LRRCC1: variants seen among roughly 807,000 people sequenced by gnomAD.
LRRCC1 encodes leucine-rich repeat and coiled-coil domain-containing protein 1.
A neutral mutation model predicts 126.0 loss-of-function variants in LRRCC1; 115 were observed. That is an observed-to-expected ratio of 0.91 (90% confidence interval 0.78 to 1.07). The LOEUF (loss-of-function observed/expected upper bound fraction) is 1.07, where lower values mean the gene tolerates loss of function less well. LRRCC1 is among the 50% of genes least tolerant of loss of function. The pLI, the probability that LRRCC1 is intolerant of heterozygous loss-of-function variation, is 0.00. For missense variants in LRRCC1, 1,172 were observed against 1,175.7 expected, an observed-to-expected ratio of 1.00 and a Z score of 0.05; for synonymous variants, 400 against 393.4, an observed-to-expected ratio of 1.02 and a Z score of -0.20.
At chr8:85,116,572 G>A (rs946541511) in intron 6 of LRRCC1, among the ~76,000 whole-genome samples, 8 of 151,806 alleles carry the variant, frequency 5.3e-5, no homozygotes, top group South Asian at 4.2e-4. Context: ...ACTGGGTCTC[G>A]CTTTGTTACC....
At chr8:85,111,876 T>G (rs1182445406) in intron 3 of LRRCC1, among the ~76,000 whole-genome samples, 1 of 151,814 alleles carries the variant, frequency 6.6e-6, no homozygotes, top group Non-Finnish European at 1.5e-5. Context: ...AGTTTTGTTT[T>G]TTTTTTTTTT....
Position 85,130,018 on chromosome 8 carries a change from C to A in LRRCC1, c.1726C>A (p.Gln576Lys). The A allele has an allele frequency of 6.3e-7, 1 of 1,596,610 alleles. No individual in the cohort carries two copies. The highest frequency in any genetic ancestry group is 8.5e-7 in the Non-Finnish European group (1 of 1,173,502). The change falls in exon 11 of 19, where the codon CAA becomes AAA. Residue 576 changes from glutamine (Q) to lysine (K), a missense_variant. Transcript: ENST00000360375. ...SLHREREQAQ[Q>K]LHQLLALKEQ... is the part of the protein sequence containing the mutation. ...TCATCGAGAAAGAGAACAAGCGCAA[C>A]AACTTCATCAACTTCTTGCATTGAA...
At position 85,145,603 on chromosome 8, in the gene LRRCC1, A is replaced by G; in HGVS notation, c.*92A>G. 1 of 1,045,624 alleles carries G rather than the reference A, an allele frequency of 9.6e-7. No homozygotes were observed. Among genetic ancestry groups the G allele is most frequent in the Non-Finnish European group, 1.4e-6 (1 of 738,454 alleles). 64.8% of individuals were successfully genotyped at this position (1,045,624 alleles called of 1,614,324 possible). A position where few individuals can be genotyped will look rare whatever the true frequency, so the allele number is the denominator to read the frequency against. On this transcript the variant is annotated 3_prime_UTR_variant, in exon 19 of 19. Transcript: ENST00000360375. The stretch of plus-strand genomic sequence containing the variant: ...AATAGTAGTAACTGCTATGACTTTG[A>G]AATGTCTCTTTCTATACATTTCATT...
chr8:85,138,293 A>C, intron 16 of LRRCC1, 45 bp from the exon 17 acceptor site: 1 of 1,583,524 alleles, frequency 6.3e-7, no homozygotes, highest in Non-Finnish European at 8.6e-7. Flanking sequence ...GTGGCTTAAT[A>C]ATTTAATAAA....
intron 10 of LRRCC1, 27 bp from the exon 11 acceptor site, chr8:85,129,892 T>C (rs745946488): frequency 6.7e-7 from 1 of 1,483,870 alleles, no homozygotes; most frequent in South Asian, 1.4e-5. Flanking sequence ...ATTATCTAAA[T>C]AATGTAATTG....
intron 17 of LRRCC1, 52 bp downstream of exon 17, chr8:85,138,527 G>A (rs573736184): frequency 1.3e-6 from 2 of 1,526,610 alleles, no homozygotes; most frequent in East Asian, 2.3e-5. Context: ...TAAACACTGT[G>A]GAATGGGTGA....
At chr8:85,125,464 G>A (rs536207168) in intron 8 of LRRCC1, among the ~76,000 whole-genome samples, 1,786 of 151,342 alleles carry the variant, frequency 0.012, 20 homozygotes, top group Middle Eastern at 0.041. Context: ...ACGAGGTCAG[G>A]AGATCGAGAC....
rs1489866510 is a variant in LRRCC1 at position 85,109,751 on chromosome 8, A to G, written c.261A>G (p.Thr87=). The change falls in exon 2 of 19, where the codon ACA becomes ACG. Residue 87 remains threonine (T), a synonymous_variant. Coordinates refer to ENST00000360375, the MANE Select transcript of LRRCC1 (RefSeq NM_033402.5). ...ISRIEGLNTL[T]KLCTLNLSCN... ...GAATTGAAGGACTAAACACACTGAC[A>G]AAACTGTGCACATTAAATTTGTCCT... 3 of 1,599,128 alleles carry G rather than the reference A, an allele frequency of 1.9e-6. No individual in the cohort carries two copies. Among genetic ancestry groups the G allele is most frequent in the Admixed American group, 3.4e-5 (2 of 58,466 alleles).
intron 18 of LRRCC1, among the ~76,000 whole-genome samples, chr8:85,144,879 G>A (rs1212556472): frequency 6.8e-6 from 1 of 147,868 alleles, no homozygotes; most frequent in African/African-American, 2.5e-5. Context: ...GACCATCCTG[G>A]CTAACACAGT....
At chr8:85,144,599 TG>T (rs928542177) in intron 18 of LRRCC1, among the ~76,000 whole-genome samples, 5 of 147,396 alleles carry the variant, frequency 3.4e-5, no homozygotes, top group Non-Finnish European at 6.0e-5. Flanking sequence ...CCTGAGTAGC[TG>T]GGTACAGTTG....
intron 4 of LRRCC1, among the ~76,000 whole-genome samples, chr8:85,114,795 T>A (rs985470030): frequency 5.3e-5 from 8 of 152,126 alleles, no homozygotes; most frequent in African/African-American, 1.9e-4. Context: ...CTAGAATAAA[T>A]TTCTACTAGT....
At chr8:85,135,686 T>G in intron 13 of LRRCC1, 103 bp from the exon 14 acceptor site, 1 of 727,356 alleles carries the variant, frequency 1.4e-6, no homozygotes. Flanking sequence ...TAATATTTAC[T>G]TGTATTTGCT....
intron 14 of LRRCC1, 91 bp downstream of exon 14, chr8:85,136,054 A>C: frequency 9.1e-7 from 1 of 1,103,212 alleles, no homozygotes; most frequent in Non-Finnish European, 1.2e-6. Flanking sequence ...AACTCTGCCT[A>C]AAGATGCCAA....
chr8:85,116,167 A>T (rs1441502889), intron 6 of LRRCC1, among the ~76,000 whole-genome samples: 1 of 152,162 alleles, frequency 6.6e-6, no homozygotes. Context: ...ATTTACTGCT[A>T]TTCAGGTCTC....
chr8:85,120,400 T>C (rs77237496), intron 6 of LRRCC1, among the ~76,000 whole-genome samples: 2,470 of 152,352 alleles, frequency 0.016, 38 homozygotes, highest in East Asian at 0.06. Flanking sequence ...CTTTAGTTCT[T>C]TATTTGCTTC....
intron 1 of LRRCC1, 170 bp downstream of exon 1, chr8:85,107,569 G>T (rs965739773): frequency 3.6e-6 from 2 of 552,818 alleles, no homozygotes; most frequent in Admixed American, 3.3e-5. Context: ...CTGCCGAAGT[G>T]CCAGGTTGAA....
rs1337491558 is a variant in LRRCC1 at position 85,128,539 on chromosome 8, T to C, written c.1422-636T>C. Among the ~76,000 whole-genome samples the C allele has an allele frequency of 1.8e-4, 27 of 150,882 alleles. 1 individual carries two copies. The highest frequency in any genetic ancestry group is 1.5e-5 in the Non-Finnish European group (1 of 67,890). ...CCTAATGCAGGGTCTGGCATGTGGG[T>C]GCCATGCTGTGAGTATATACAATTT... On this transcript the variant is annotated intron_variant, in intron 9 of 18. Transcript: ENST00000360375.
At position 85,115,150 on chromosome 8, in the gene LRRCC1, T is replaced by A. The variant is rs1809010380; in HGVS notation, c.595T>A (p.Cys199Ser). The A allele has an allele frequency of 1.2e-6, 2 of 1,612,926 alleles. No individual in the cohort carries two copies. The highest frequency in any genetic ancestry group is 1.7e-6 in the Non-Finnish European group (2 of 1,179,384). The change falls in exon 5 of 19, where the codon TGC becomes AGC. Residue 199 changes from cysteine to serine, a missense_variant. Transcript: ENST00000360375. Reference sequence around the variant, plus strand: ...TTTGCCACAGCTTAGAATCCTAGATTGCAAGAACATATTTGGTGAACCAGT... The same window carrying A: ...TTTGCCACAGCTTAGAATCCTAGATAGCAAGAACATATTTGGTGAACCAGT... Reference protein sequence around the residue: ...QTLPQLRILDCKNIFGEPVNL... With the variant: ...QTLPQLRILDSKNIFGEPVNL...
chr8:85,123,734 G>C, intron 7 of LRRCC1, 128 bp downstream of exon 7: 1 of 677,802 alleles, frequency 1.5e-6, no homozygotes, highest in Non-Finnish European at 2.4e-6. Flanking sequence ...CAGCCTTGCA[G>C]GTTCTGATCT....
Sources: gnomAD v4.1 joint callset for allele counts (sites outside exome capture counted in the v4.1 genomes callset) on GRCh38, gnomAD v4.1.1 for gene constraint, MANE v1.5 for transcripts, NCBI Gene and HGNC (gene_info 2026-07-23, HGNC 2026-07-21) for gene names.